Variants in CYGB observed in about 807,000 individuals in gnomAD.
The protein encoded by CYGB is histoglobin.
CYGB carries 13 observed loss-of-function variants against 20.7 expected under a neutral mutation model. The observed-to-expected ratio is 0.63, with a 90% CI of 0.41 to 1.00. CYGB has a LOEUF of 1.00. Among genes scored for constraint, CYGB ranks in the 50% least tolerant of loss-of-function variants. CYGB has a pLI of 0.00. For synonymous variants in CYGB, 93 were observed against 107.4 expected (o/e 0.87, Z 0.83); for missense variants, 218 against 257.2 (o/e 0.85, Z 1.04).
At chr17:76,542,732 T>C (rs1598213766) in intron 1 of CYGB, 2 of 773,002 alleles carry the variant, frequency 2.6e-6, no homozygotes, top group Non-Finnish European at 4.6e-6. Context: ...TAGCAGGCAG[T>C]GTTCAGCTCT....
At chr17:76,544,710 C>T in intron 1 of CYGB, 1 of 456,792 alleles carries the variant, frequency 2.2e-6, no homozygotes, top group Non-Finnish European at 4.4e-6. Context: ...GGCACTGTTC[C>T]CGGGACCCAG....
intron 1 of CYGB, chr17:76,550,694 G>A (rs997865318): frequency 1.1e-4 from 16 of 152,230 alleles, no homozygotes; most frequent in Non-Finnish European, 1.5e-5. Flanking sequence ...TAAGTTACAC[G>A]AGAATAAAGA....
rs1029957409 is a variant in CYGB at position 76,533,777 on chromosome 17, T to C, written c.144-2086A>G. The stretch of plus-strand genomic sequence containing the variant: ...AAGGTCAGGTGTGGTGGCTCATGCC[T>C]GTAGAACTTTGGGAGGCCAAGGCAG... On this transcript the variant is annotated intron_variant, in intron 1 of 3. Coordinates refer to ENST00000293230, the MANE Select transcript of CYGB (RefSeq NM_134268.5). The surrounding 1 kb of genome is among the most constrained non-coding windows in gnomAD (Gnocchi z 4.5). 6.6e-6 allele frequency among the ~76,000 whole-genome samples: 1 copy of C among 151,604 alleles called. No individual in the cohort carries two copies. Among genetic ancestry groups the C allele is most frequent in the Non-Finnish European group, 1.5e-5 (1 of 67,902 alleles).
At position 76,528,870 on chromosome 17, in the gene CYGB, CAT is replaced by C. The variant is rs1890406223; in HGVS notation, c.540-261_540-260del. The C allele has an allele frequency of 8.2e-7, 1 of 1,219,100 alleles. No homozygotes were observed. The highest frequency in any genetic ancestry group is 1.6e-5 in the African/African-American group (1 of 64,174). The allele number at this position is 1,219,100 out of a possible 1,614,324, so 75.5% of individuals were successfully genotyped here. On this transcript the variant is annotated intron_variant, in intron 3 of 3. Coordinates refer to ENST00000293230, the MANE Select transcript of CYGB (RefSeq NM_134268.5). The surrounding 1 kb of genome is among the most constrained non-coding windows in gnomAD (Gnocchi z 5.8). The stretch of plus-strand genomic sequence containing the variant: ...AATGTGAATAATGTCTGTCTTGTGA[CAT>C]AAACTGGGTAAAAAAGTGTTTCACA...
At chr17:76,544,929 G>C in intron 1 of CYGB, 1 of 456,770 alleles carries the variant, frequency 2.2e-6, no homozygotes, top group Non-Finnish European at 4.4e-6. Flanking sequence ...GCAGGAGGTG[G>C]TGGCTGCTCC....
chr17:76,538,572 C>A, upstream of CYGB: 1 of 461,196 alleles, frequency 2.2e-6, no homozygotes, highest in Non-Finnish European at 4.5e-6. Context: ...AGAGAGGCAC[C>A]GGATAGGGCA....
chr17:76,541,074 C>T (rs1452367272), upstream of CYGB, among the ~76,000 whole-genome samples: 1 of 152,192 alleles, frequency 6.6e-6, no homozygotes, highest in Non-Finnish European at 1.5e-5. Flanking sequence ...GCGGGCAGGA[C>T]GCTGTCTCCA....
chr17:76,542,428 TTAGGTGGTCCTG>T, upstream of CYGB: 2 of 1,100,496 alleles, frequency 1.8e-6, no homozygotes, highest in Non-Finnish European at 2.8e-6. Flanking sequence ...AACTGATTCC[TTAGGTGGTCCTG>T]CCCCTCAATA....
At position 76,531,999 on chromosome 17, in the gene CYGB, T is replaced by A; in HGVS notation, c.144-308A>T. The A allele has an allele frequency of 7.0e-6, 2 of 284,170 alleles. No individual in the cohort carries two copies. Among genetic ancestry groups the A allele is most frequent in the South Asian group, 1.5e-4 (2 of 13,096 alleles). The allele number at this position is 284,170 out of a possible 1,614,324, so 17.6% of individuals were successfully genotyped here. A position where few individuals can be genotyped will look rare whatever the true frequency, so the allele number is the denominator to read the frequency against. On this transcript the variant is annotated intron_variant, in intron 1 of 3. Coordinates refer to ENST00000293230, the MANE Select transcript of CYGB (RefSeq NM_134268.5). This position sits in a 1 kb window ranked among gnomAD's most constrained non-coding sequence, Gnocchi z 7.4. Reference sequence around the variant, plus strand: ...ACTCTACACCCCCTTCAAGCCCTGCTCTAGTCATAGCCGAGAGGGTAAGAA... The same window carrying A: ...ACTCTACACCCCCTTCAAGCCCTGCACTAGTCATAGCCGAGAGGGTAAGAA...
intron 1 of CYGB, among the ~76,000 whole-genome samples, chr17:76,534,799 G>A (rs2074897262): frequency 1.3e-5 from 2 of 152,188 alleles, no homozygotes; most frequent in East Asian, 1.9e-4. Flanking sequence ...ACCCACCACC[G>A]GGTTGTGGCC....
At chr17:76,542,041 G>A (rs2074997938), upstream of CYGB, among the ~76,000 whole-genome samples, 1 of 152,148 alleles carries the variant, frequency 6.6e-6, no homozygotes, top group African/African-American at 2.4e-5. Context: ...AGGATTGGCA[G>A]GACATGTGTT....
intron 1 of CYGB, chr17:76,543,357 C>G: frequency 2.9e-6 from 1 of 340,094 alleles, no homozygotes. Context: ...GGGCAGCCAG[C>G]AGCCCAGGCA....
At chr17:76,540,249 G>GT (rs1277433623), upstream of CYGB, 17 of 1,411,660 alleles carry the variant, frequency 1.2e-5, no homozygotes, top group South Asian at 6.3e-5. This position sits in a 1 kb window ranked among gnomAD's most constrained non-coding sequence, Gnocchi z 5.0. Flanking sequence ...CTGGCGGTTG[G>GT]TCGGGGGGGG....
At chr17:76,544,297 C>T (rs559175222) in intron 1 of CYGB, 1 of 454,470 alleles carries the variant, frequency 2.2e-6, no homozygotes, top group South Asian at 1.6e-5. Context: ...GACTTCCAGG[C>T]AGTAGAAGAT....
Position 76,537,390 on chromosome 17 carries a change from C to A in CYGB, c.143+10G>T. On this transcript the variant is annotated intron_variant, in intron 1 of 3. Transcript: ENST00000293230. Reference sequence around the variant, plus strand: ...CTGCCCAGGGCCCGGCCGGGCCGGGCGACACCTACCTCACCAGGATGGCCA... The same window carrying A: ...CTGCCCAGGGCCCGGCCGGGCCGGGAGACACCTACCTCACCAGGATGGCCA... 6.3e-7 allele frequency: 1 copy of A among 1,583,668 alleles called. No individual in the cohort carries two copies. The highest frequency in any genetic ancestry group is 8.6e-7 in the Non-Finnish European group (1 of 1,166,390).
chr17:76,538,146 G>A (rs958831695), upstream of CYGB: 5 of 159,756 alleles, frequency 3.1e-5, no homozygotes, highest in African/African-American at 1.2e-4. Flanking sequence ...CAACACTCCC[G>A]AGCTTTCGCG....
intron 1 of CYGB, among the ~76,000 whole-genome samples, chr17:76,547,549 G>T (rs2075063504): frequency 6.6e-6 from 1 of 152,048 alleles, no homozygotes; most frequent in South Asian, 2.1e-4. Flanking sequence ...CTGTAGTGGG[G>T]GACTGAGAAA....
At chr17:76,545,298 C>T (rs1338734098) in intron 1 of CYGB, 1 of 456,768 alleles carries the variant, frequency 2.2e-6, no homozygotes, top group Non-Finnish European at 4.4e-6. Flanking sequence ...CACTGGCTCC[C>T]ATCACAGGGC....
chr17:76,540,192 C>A (rs776386516), upstream of CYGB: 3 of 1,598,116 alleles, frequency 1.9e-6, no homozygotes, highest in South Asian at 3.3e-5. This position sits in a 1 kb window ranked among gnomAD's most constrained non-coding sequence, Gnocchi z 5.0. Context: ...TCTGGCGCCG[C>A]CGATTTGCCA....
Sources: allele counts gnomAD v4.1 joint callset (sites outside exome capture counted in the v4.1 genomes callset), GRCh38; gene constraint gnomAD v4.1.1; non-coding constraint Gnocchi (gnomAD v3.1); transcripts MANE v1.5; gene names NCBI Gene and HGNC (gene_info 2026-07-23, HGNC 2026-07-21).